TRPC6: variants seen among roughly 807,000 people sequenced by gnomAD.
The protein encoded by TRPC6 is short transient receptor potential channel 6.
A neutral mutation model predicts 90.7 loss-of-function variants in TRPC6; 55 were observed. That is an observed-to-expected ratio of 0.61 (90% confidence interval 0.49 to 0.76). The LOEUF (loss-of-function observed/expected upper bound fraction) is 0.76, where lower values mean the gene tolerates loss of function less well. Among genes scored for constraint, TRPC6 ranks in the 30% least tolerant of loss-of-function variants. The pLI is 0.00. For synonymous variants in TRPC6, 393 were observed against 393.0 expected, an observed-to-expected ratio of 1.00 and a Z score of 0.00; for missense variants, 989 against 1,122.7, an observed-to-expected ratio of 0.88 and a Z score of 1.70.
chr11:101,457,107 A>G (rs1858901508), intron 10 of TRPC6, among the ~76,000 whole-genome samples: 1 of 152,144 alleles, frequency 6.6e-6, no homozygotes, highest in Non-Finnish European at 1.5e-5. Context: ...TTGAAAATTG[A>G]ATAGTATTTA....
At chr11:101,473,455 C>T (rs1859339968) in intron 7 of TRPC6, 54 bp downstream of exon 7, 2 of 1,592,552 alleles carry the variant, frequency 1.3e-6, no homozygotes, top group Non-Finnish European at 8.6e-7. Flanking sequence ...CGCTGTTAAA[C>T]TAATATTTAT....
intron 1 of TRPC6, among the ~76,000 whole-genome samples, chr11:101,515,154 C>A (rs999356151): frequency 6.6e-6 from 1 of 152,178 alleles, no homozygotes; most frequent in Non-Finnish European, 1.5e-5. Flanking sequence ...CATAATTATT[C>A]AAGACTTTCC....
At chr11:101,482,475 A>G (rs2136689864) in intron 5 of TRPC6, among the ~76,000 whole-genome samples, 1 of 152,360 alleles carries the variant, frequency 6.6e-6, no homozygotes, top group Middle Eastern at 3.4e-3. Context: ...TATACATTAT[A>G]GACTAGAAAA....
intron 1 of TRPC6, among the ~76,000 whole-genome samples, chr11:101,524,577 A>C (rs1014295565): frequency 5.3e-5 from 8 of 152,256 alleles, no homozygotes; most frequent in Non-Finnish European, 8.8e-5. Flanking sequence ...AAATGTATTT[A>C]AATCACAAAT....
intron 1 of TRPC6, among the ~76,000 whole-genome samples, chr11:101,528,823 G>A (rs1246144862): frequency 6.6e-6 from 1 of 152,040 alleles, no homozygotes; most frequent in African/African-American, 2.4e-5. Context: ...TTTCTGGAAG[G>A]CTAAGTTGAC....
chr11:101,472,102 A>T, intron 8 of TRPC6, 35 bp downstream of exon 8: 4 of 1,599,556 alleles, frequency 2.5e-6, no homozygotes, highest in Non-Finnish European at 3.4e-6. Flanking sequence ...TTAAAACATG[A>T]AGGCACAAAT....
At chr11:101,563,980 C>T (rs1317209622) in intron 1 of TRPC6, among the ~76,000 whole-genome samples, 2 of 151,978 alleles carry the variant, frequency 1.3e-5, no homozygotes, top group African/African-American at 4.8e-5. Flanking sequence ...CAGAATGTTA[C>T]TGCACGCATT....
At position 101,552,662 on chromosome 11, in the gene TRPC6, G is replaced by T. The variant is rs370283873; in HGVS notation, c.170+30672C>A. ...ACAAGAAGTTTAGTCTTAGCTATTA[G>T]ATTATCCATTAAAAAAAATTCTCCA... is the stretch of plus-strand genomic sequence containing the variant. On this transcript the variant is annotated intron_variant, in intron 1 of 12. Coordinates refer to ENST00000344327, the MANE Select transcript of TRPC6 (RefSeq NM_004621.6). Among the ~76,000 whole-genome samples, 17 of 151,998 alleles carry T rather than the reference G, an allele frequency of 1.1e-4. No individual in the cohort carries two copies. In the East Asian group the frequency reaches 1.2e-3, roughly 10 times the overall value.
intron 1 of TRPC6, among the ~76,000 whole-genome samples, chr11:101,524,369 C>T (rs1460253658): frequency 1.3e-5 from 2 of 152,218 alleles, no homozygotes; most frequent in Admixed American, 1.3e-4. Context: ...CTGCCTCAGC[C>T]TCCCGAGTAG....
chr11:101,504,438 C>G lies in TRPC6; in HGVS notation c.531G>C (p.Val177=). Reference sequence around the variant, plus strand: ...AAGCCGGATGACTGAGAATTGCTTCCACAATCCGAACATAACCTTTACTAA... The same window carrying G: ...AAGCCGGATGACTGAGAATTGCTTCGACAATCCGAACATAACCTTTACTAA... The part of the protein sequence containing the change: ...LAISKGYVRI[V]EAILSHPAFA... The change falls in exon 2 of 13, where the codon GTG becomes GTC. Residue 177 remains valine (V), a synonymous_variant. Transcript: ENST00000344327. The G allele has an allele frequency of 6.2e-7, 1 of 1,614,074 alleles. No homozygotes were observed. The highest frequency in any genetic ancestry group is 8.5e-7 in the Non-Finnish European group (1 of 1,179,990).
chr11:101,537,313 C>T, intron 1 of TRPC6, among the ~76,000 whole-genome samples: 1 of 152,132 alleles, frequency 6.6e-6, no homozygotes, highest in East Asian at 1.9e-4. Flanking sequence ...CTTTATCCCA[C>T]ATTACAATCA....
intron 2 of TRPC6, among the ~76,000 whole-genome samples, chr11:101,494,341 C>T (rs2136713471): frequency 6.6e-6 from 1 of 152,222 alleles, no homozygotes; most frequent in East Asian, 1.9e-4. Context: ...GGTAAGAACA[C>T]TGAGGCTTAG....
chr11:101,581,395 T>G (rs1462637526), intron 1 of TRPC6, among the ~76,000 whole-genome samples: 1 of 152,238 alleles, frequency 6.6e-6, no homozygotes, highest in Non-Finnish European at 1.5e-5. Context: ...CTTGGAATTA[T>G]TACTTTATTT....
chr11:101,516,239 C>CTT (rs1437792723), intron 1 of TRPC6, among the ~76,000 whole-genome samples: 30 of 152,054 alleles, frequency 2.0e-4, no homozygotes, highest in Non-Finnish European at 3.5e-4. Flanking sequence ...TTCATGCTAG[C>CTT]AATGCATGGT....
chr11:101,522,882 T>C (rs1268123452), intron 1 of TRPC6, among the ~76,000 whole-genome samples: 1 of 152,160 alleles, frequency 6.6e-6, no homozygotes, highest in Non-Finnish European at 1.5e-5. Flanking sequence ...TCCATAAAAT[T>C]TGTAAAGCTC....
intron 1 of TRPC6, among the ~76,000 whole-genome samples, chr11:101,527,260 C>A (rs987152439): frequency 1.2e-4 from 18 of 152,224 alleles, no homozygotes; most frequent in Middle Eastern, 3.4e-3. Context: ...ATTACTGCCT[C>A]CAAGTCTTGA....
chr11:101,484,585 C>CTG (rs1859629312), intron 4 of TRPC6, among the ~76,000 whole-genome samples: 1 of 145,196 alleles, frequency 6.9e-6, no homozygotes, highest in Non-Finnish European at 1.5e-5. Flanking sequence ...ATCTCTCTCT[C>CTG]TCTCATGCTA....
chr11:101,582,228 G>A (rs1271621000), intron 1 of TRPC6, among the ~76,000 whole-genome samples: 1 of 152,064 alleles, frequency 6.6e-6, no homozygotes, highest in African/African-American at 2.4e-5. Context: ...CCTTTACTGC[G>A]GCTCACCTCT....
intron 1 of TRPC6, among the ~76,000 whole-genome samples, chr11:101,574,975 A>C (rs7129904): frequency 0.35 from 53,181 of 152,024 alleles, 10,125 homozygotes; most frequent in Non-Finnish European, 0.44. Flanking sequence ...TCACAAACCA[A>C]AGCTGGTGCA....
Sources: gnomAD v4.1 joint callset for allele counts (sites outside exome capture counted in the v4.1 genomes callset) on GRCh38, gnomAD v4.1.1 for gene constraint, MANE v1.5 for transcripts, NCBI Gene and HGNC (gene_info 2026-07-23, HGNC 2026-07-21) for gene names.